Variants in CCP110 observed in about 807,000 individuals in gnomAD.
CCP110 encodes centriolar coiled-coil protein 110.
A neutral mutation model predicts 105.5 loss-of-function variants in CCP110; 43 were observed. That is an observed-to-expected ratio of 0.41 (90% CI 0.32 to 0.53). The LOEUF (loss-of-function observed/expected upper bound fraction) is 0.53, where lower values mean the gene tolerates loss of function less well. CCP110 is among the 20% of genes least tolerant of loss of function. The pLI is 0.32. For synonymous variants in CCP110, 353 were observed against 392.1 expected (o/e 0.90, Z 1.18); for missense variants, 1,016 against 1,189.1 (o/e 0.85, Z 2.14).
intron 3 of CCP110, among the ~76,000 whole-genome samples, chr16:19,535,183 AG>A (rs2151468450): frequency 6.6e-6 from 1 of 152,300 alleles, no homozygotes; most frequent in South Asian, 2.1e-4. Context: ...CCCCGCCAGT[AG>A]TCAGGCTTTT....
At chr16:19,553,345 C>T (rs1970699814) in exon 15 of CCP110, 1 of 152,072 alleles carries the variant, frequency 6.6e-6, no homozygotes, top group Non-Finnish European at 1.5e-5. Context: ...TATTTTTATA[C>T]TTTTATTTTC....
intron 14 of CCP110, among the ~76,000 whole-genome samples, chr16:19,550,053 A>G (rs907065082): frequency 6.6e-6 from 1 of 152,190 alleles, no homozygotes; most frequent in Non-Finnish European, 1.5e-5. Flanking sequence ...TTGAATTAAT[A>G]TGTATCTAAA....
exon 15 of CCP110, chr16:19,552,951 G>C (rs938905764): frequency 2.0e-5 from 3 of 152,134 alleles, no homozygotes; most frequent in Non-Finnish European, 4.4e-5. Flanking sequence ...AAAATTTATA[G>C]GCAAAGTATC....
intron 12 of CCP110, chr16:19,546,953 AC>A (rs772705034): frequency 2.6e-5 from 4 of 155,592 alleles, no homozygotes; most frequent in Non-Finnish European, 4.3e-5. Context: ...CAAGATTCAT[AC>A]CAATACCTGG....
At chr16:19,532,648 T>C (rs923005862) in intron 3 of CCP110, 104 bp downstream of exon 3, 1 of 897,242 alleles carries the variant, frequency 1.1e-6, no homozygotes, top group African/African-American at 1.7e-5. Flanking sequence ...ACTAATGTAC[T>C]TTACTGTTAC....
chr16:19,537,173 C>T (rs752659133), exon 4 of CCP110: 1 of 1,614,138 alleles, frequency 6.2e-7, no homozygotes, highest in Non-Finnish European at 8.5e-7. Flanking sequence ...TGCTGCGATG[C>T]CAAAGCTGCA....
chr16:19,534,872 CTTTTTTTTTTTT>C (rs35522152), intron 3 of CCP110, among the ~76,000 whole-genome samples: 3 of 100,536 alleles, frequency 3.0e-5, no homozygotes, highest in African/African-American at 8.5e-5. Context: ...AATATTCAGA[CTTTTTTTTTTTT>C]TTTTTTTTTT....
At chr16:19,552,185 T>C (rs1970661694) in exon 15 of CCP110, 1 of 152,182 alleles carries the variant, frequency 6.6e-6, no homozygotes, top group African/African-American at 2.4e-5. Flanking sequence ...AAATTCTGCA[T>C]TGCTTAAAGA....
intron 14 of CCP110, among the ~76,000 whole-genome samples, chr16:19,549,942 T>G (rs1970580375): frequency 6.6e-6 from 1 of 152,204 alleles, no homozygotes. Context: ...GGATGTATAG[T>G]CAGTCACTGA....
chr16:19,531,347 A>G (rs952096952), intron 2 of CCP110, among the ~76,000 whole-genome samples: 1 of 152,184 alleles, frequency 6.6e-6, no homozygotes, highest in African/African-American at 2.4e-5. Context: ...TAATTTTTTA[A>G]TGATATATTT....
intron 5 of CCP110, among the ~76,000 whole-genome samples, chr16:19,541,500 C>A (rs1970277289): frequency 1.3e-5 from 2 of 151,730 alleles, no homozygotes; most frequent in Admixed American, 1.3e-4. Flanking sequence ...GGTGTATGGA[C>A]CTGTAGTCCC....
At chr16:19,544,829 A>G (rs1291667522) in exon 9 of CCP110, 9 of 1,600,418 alleles carry the variant, frequency 5.6e-6, no homozygotes, top group South Asian at 4.4e-5. Flanking sequence ...GTTTTCAGTC[A>G]GAAGCACCAT....
Position 19,548,612 on chromosome 16 carries a change from A to G in CCP110, c.2986+12A>G. The G allele has an allele frequency of 2.6e-6, 4 of 1,518,086 alleles. No homozygotes were observed. The highest frequency in any genetic ancestry group is 3.6e-6 in the Non-Finnish European group (4 of 1,119,544). 94.0% of individuals were successfully genotyped at this position (1,518,086 alleles called of 1,614,324 possible). A position where few individuals can be genotyped will look rare whatever the true frequency, so the allele number is the denominator to read the frequency against. On this transcript the variant is annotated intron_variant, in intron 14 of 14. Coordinates refer to ENST00000381396, the Ensembl canonical transcript of CCP110. This position sits in a 1 kb window ranked among gnomAD's most constrained non-coding sequence, Gnocchi z 4.1. ...AGTGCCTGTTTCAGGTTTGTAGAAA[A>G]TAAATTCCTGAAGCCCATTCAATAG...
intron 5 of CCP110, among the ~76,000 whole-genome samples, chr16:19,541,650 G>A (rs964763033): frequency 1.7e-3 from 2 of 1,180 alleles, no homozygotes; most frequent in African/African-American, 0.053. Context: ...AGAGAGAGAG[G>A]AGAGAGAGAG....
At chr16:19,543,859 A>G (rs1898677) in intron 8 of CCP110, among the ~76,000 whole-genome samples, 55,758 of 151,944 alleles carry the variant, frequency 0.37, 11,757 homozygotes, top group East Asian at 0.56. Flanking sequence ...CTCTGCTCTC[A>G]AACCCTGTTT....
In CCP110 at chr16:19,548,024, C is replaced by A; in HGVS notation, c.2900+10C>A. 3 of 1,589,598 alleles carry A rather than the reference C, an allele frequency of 1.9e-6. No homozygotes were observed. Among genetic ancestry groups the A allele is most frequent in the Non-Finnish European group, 2.6e-6 (3 of 1,158,268 alleles). ...TACTTAGTAGACAAGGGTAAGAATG[C>A]CACACACGGGTATTGAAAACTACGG... On this transcript the variant is annotated intron_variant, in intron 13 of 14. Transcript: ENST00000381396. The surrounding 1 kb of genome is among the most constrained non-coding windows in gnomAD (Gnocchi z 4.1).
Position 19,536,278 on chromosome 16 carries a change from T to C in CCP110, c.609T>C (p.Gly203=), listed in dbSNP as rs1456760625. 6 of 1,613,624 alleles carry C rather than the reference T, an allele frequency of 3.7e-6. No individual in the cohort carries two copies. The East Asian group carries it at 6.7e-5, about 18-fold the overall frequency. ...CACAAGAAACTCTTATTTCTGATGG[T>C]CCCTTCTCAGTAAATGAACAACAGG... is the stretch of plus-strand genomic sequence containing the variant. The change falls in exon 4 of 15, where the codon GGT becomes GGC. Residue 203 remains glycine, a synonymous_variant. Coordinates refer to ENST00000381396, the Ensembl canonical transcript of CCP110.
intron 5 of CCP110, among the ~76,000 whole-genome samples, chr16:19,541,579 T>A (rs992659928): frequency 2.9e-4 from 44 of 150,812 alleles, no homozygotes; most frequent in African/African-American, 1.1e-3. Flanking sequence ...TGAACCGAGA[T>A]CGTGCCACTG....
At position 19,537,336 on chromosome 16, in the gene CCP110, A is replaced by G. The variant is rs752277360; in HGVS notation, c.1667A>G (p.Gln556Arg). 1.4e-5 allele frequency: 22 copies of G among 1,614,126 alleles called. No homozygotes were observed. The South Asian group carries it at 1.9e-4, about 14-fold the overall frequency. The change falls in exon 4 of 15, where the codon CAA (glutamine) becomes CGA (arginine). Residue 556 changes from glutamine to arginine, a missense_variant. Coordinates refer to ENST00000381396, the Ensembl canonical transcript of CCP110. Reference sequence around the variant, plus strand: ...AAAAACCCTTCTCCTTTATTGATGCAAAACCAGAATACGAGACAGCAGATG... The same window carrying G: ...AAAAACCCTTCTCCTTTATTGATGCGAAACCAGAATACGAGACAGCAGATG...
Sources: gnomAD v4.1 joint callset for allele counts (sites outside exome capture counted in the v4.1 genomes callset) on GRCh38, gnomAD v4.1.1 for gene constraint, Gnocchi (gnomAD v3.1) non-coding constraint, MANE v1.5 for transcripts, NCBI Gene and HGNC (gene_info 2026-07-23, HGNC 2026-07-21) for gene names.